The following PLCH1 variants were observed in gnomAD, a reference collection of about 807,000 sequenced individuals.
The protein encoded by PLCH1 is 1-phosphatidylinositol 4,5-bisphosphate phosphodiesterase eta-1.
PLCH1 carries 60 observed loss-of-function variants against 126.7 expected under a neutral mutation model. The ratio of observed to expected loss-of-function variants is 0.47; its 90% CI spans 0.38 to 0.59. The LOEUF (loss-of-function observed/expected upper bound fraction) is 0.59, where lower values mean the gene tolerates loss of function less well. Among genes scored for constraint, PLCH1 ranks in the 20% least tolerant of loss-of-function variants. The pLI is 0.00. For synonymous variants in PLCH1, 719 were observed against 734.9 expected (o/e 0.98, Z 0.35); for missense variants, 1,723 against 2,040.0 (o/e 0.84, Z 2.99).
At chr3:155,737,312 G>T (rs192254022) in intron 1 of PLCH1, among the ~76,000 whole-genome samples, 1 of 142,746 alleles carries the variant, frequency 7.0e-6, no homozygotes, top group African/African-American at 2.6e-5. Flanking sequence ...CTTAATTCTT[G>T]TGTATCCTTC....
rs1452604159 is a variant in PLCH1, at chr3:155,481,595, T to C, written c.4431A>G (p.Lys1477=). ...QLAHLPLPAL[K]LPSPCKSKSL... ...TTTTGGATTTGCAAGGACTAGGCAGTTTCAGAGCAGGCAAAGGAAGATGTG... is the reference window on the plus strand; with the variant it reads ...TTTTGGATTTGCAAGGACTAGGCAGCTTCAGAGCAGGCAAAGGAAGATGTG... The change falls in exon 23 of 23, where the codon AAA becomes AAG. Residue 1477 remains lysine (K), a synonymous_variant. Transcript: ENST00000460012. The surrounding 1 kb of genome is among the most constrained non-coding windows in gnomAD (Gnocchi z 4.2). 6.2e-7 allele frequency: 1 copy of C among 1,614,022 alleles called. No individual in the cohort carries two copies. Among genetic ancestry groups the C allele is most frequent in the Non-Finnish European group, 8.5e-7 (1 of 1,180,046 alleles).
intron 21 of PLCH1, among the ~76,000 whole-genome samples, chr3:155,468,955 G>C (rs1447151645): frequency 1.3e-5 from 2 of 152,128 alleles, no homozygotes; most frequent in South Asian, 2.1e-4. Flanking sequence ...TCATCCAAGA[G>C]CTGCAGAATC....
intron 2 of PLCH1, among the ~76,000 whole-genome samples, chr3:155,607,316 A>T (rs909289916): frequency 2.6e-5 from 4 of 152,216 alleles, no homozygotes; most frequent in East Asian, 1.9e-4. Flanking sequence ...ATATTTATAT[A>T]AAAGAGCCCT....
At chr3:155,505,425 A>G (rs1460087018) in intron 12 of PLCH1, among the ~76,000 whole-genome samples, 2 of 152,236 alleles carry the variant, frequency 1.3e-5, no homozygotes, top group Non-Finnish European at 2.9e-5. Flanking sequence ...ATAACATGGT[A>G]TAAGGAGAGA....
chr3:155,529,665 T>G (rs1248056440), intron 10 of PLCH1, among the ~76,000 whole-genome samples: 1 of 152,236 alleles, frequency 6.6e-6, no homozygotes, highest in African/African-American at 2.4e-5. Context: ...TTGTAATCAT[T>G]TTGCTGGCGG....
chr3:155,621,903 T>A (rs536894412), intron 2 of PLCH1, among the ~76,000 whole-genome samples: 3 of 152,106 alleles, frequency 2.0e-5, no homozygotes, highest in African/African-American at 7.2e-5. Context: ...ATTCAGGAAA[T>A]ACAGAGAACA....
rs57141788 is a variant in PLCH1 at position 155,503,537 on chromosome 3, C to CTTTTTT, written c.1704+1012_1704+1017dup. 5.5e-5 allele frequency among the ~76,000 whole-genome samples: 8 copies of CTTTTTT among 144,400 alleles called. 1 individual carries two copies. The highest frequency in any genetic ancestry group is 5.0e-5 in the African/African-American group (2 of 39,686). 94.7% of individuals were successfully genotyped at this position (144,400 alleles called of 152,430 possible). On this transcript the variant is annotated intron_variant, in intron 13 of 22. Transcript: ENST00000460012. Reference sequence around the variant, plus strand: ...TCAATATAAGTATTGTTACTTCTGTCTTTTTTTTTTTTTTCTGTAGATGGA... The same window carrying CTTTTTT: ...TCAATATAAGTATTGTTACTTCTGTCTTTTTTTTTTTTTTTTTTTTCTGTAGATGGA...
At chr3:155,692,395 T>G (rs528760180) in intron 2 of PLCH1, among the ~76,000 whole-genome samples, 3 of 152,214 alleles carry the variant, frequency 2.0e-5, no homozygotes, top group African/African-American at 7.2e-5. Context: ...GTGATTTTTA[T>G]CCCTCCCATG....
intron 21 of PLCH1, 200 bp from the exon 22 acceptor site, chr3:155,485,910 C>T: frequency 1.7e-6 from 1 of 601,890 alleles, no homozygotes; most frequent in South Asian, 2.1e-5. Flanking sequence ...TTTGCAAGGA[C>T]TTCAGCCTTC....
intron 4 of PLCH1, among the ~76,000 whole-genome samples, chr3:155,588,815 T>A (rs1489633390): frequency 6.6e-6 from 1 of 152,188 alleles, no homozygotes; most frequent in Non-Finnish European, 1.5e-5. Flanking sequence ...GGGTTACTCA[T>A]ATCACCTCCT....
chr3:155,467,544 A>G (rs1017706263), intron 21 of PLCH1, among the ~76,000 whole-genome samples: 1 of 151,732 alleles, frequency 6.6e-6, no homozygotes, highest in Non-Finnish European at 1.5e-5. Flanking sequence ...ATTGCACTCC[A>G]GCATGGGTGA....
intron 2 of PLCH1, among the ~76,000 whole-genome samples, chr3:155,628,692 G>C (rs533348373): frequency 1.3e-5 from 2 of 152,158 alleles, no homozygotes; most frequent in South Asian, 4.1e-4. Flanking sequence ...TATGAACTTA[G>C]TGGTGGGTAA....
chr3:155,683,068 A>C (rs1577314536), intron 2 of PLCH1, among the ~76,000 whole-genome samples: 1 of 152,190 alleles, frequency 6.6e-6, no homozygotes, highest in African/African-American at 2.4e-5. Flanking sequence ...TGCATTAAAA[A>C]CCTGACATGC....
chr3:155,522,230 TA>T (rs10706469), intron 11 of PLCH1, among the ~76,000 whole-genome samples: 16,758 of 149,920 alleles, frequency 0.11, 2,291 homozygotes, highest in African/African-American at 0.33. Flanking sequence ...AAAGTAATGC[TA>T]AAAAAAAAGC....
chr3:155,628,056 C>A (rs1194760336), intron 2 of PLCH1, among the ~76,000 whole-genome samples: 1 of 152,016 alleles, frequency 6.6e-6, no homozygotes, highest in Non-Finnish European at 1.5e-5. Flanking sequence ...TGTGAGCCAC[C>A]ACTCCCGGGC....
At chr3:155,714,889 A>G (rs564061903) in intron 1 of PLCH1, among the ~76,000 whole-genome samples, 2 of 152,342 alleles carry the variant, frequency 1.3e-5, no homozygotes, top group African/African-American at 4.8e-5. Context: ...TTTATATCGA[A>G]GTTATCATAG....
chr3:155,701,263 A>G (rs1489838235), intron 2 of PLCH1, among the ~76,000 whole-genome samples: 1 of 152,186 alleles, frequency 6.6e-6, no homozygotes, highest in East Asian at 1.9e-4. Context: ...AATATTCTAA[A>G]TTGTTTCCAA....
intron 1 of PLCH1, among the ~76,000 whole-genome samples, chr3:155,740,711 T>A (rs1749560041): frequency 6.6e-6 from 1 of 152,062 alleles, no homozygotes. Context: ...ATTTAAAAAA[T>A]AAAGCAAGGA....
At chr3:155,706,045 G>C (rs748164182) in intron 1 of PLCH1, among the ~76,000 whole-genome samples, 2 of 150,634 alleles carry the variant, frequency 1.3e-5, no homozygotes, top group Non-Finnish European at 3.0e-5. Flanking sequence ...ATGGTGGCAC[G>C]CACCTGTAGT....
Sources: allele counts gnomAD v4.1 joint callset (sites outside exome capture counted in the v4.1 genomes callset), GRCh38; gene constraint gnomAD v4.1.1; non-coding constraint Gnocchi (gnomAD v3.1); transcripts MANE v1.5; gene names NCBI Gene and HGNC (gene_info 2026-07-23, HGNC 2026-07-21).